Variants in PAFAH1B1 observed in about 807,000 individuals in gnomAD.
PAFAH1B1 encodes platelet activating factor acetylhydrolase 1b regulatory subunit 1.
In PAFAH1B1, 2 loss-of-function variants were observed where a neutral mutation model predicts 57.5. That is an observed-to-expected ratio of 0.03 (90% CI 0.01 to 0.11). The LOEUF (loss-of-function observed/expected upper bound fraction) is 0.11, where lower values mean the gene tolerates loss of function less well. Among genes scored for constraint, PAFAH1B1 ranks in the 10% least tolerant of loss-of-function variants. The pLI is 1.00. For synonymous variants in PAFAH1B1, 152 were observed against 169.6 expected (o/e 0.90, Z 0.81); for missense variants, 257 against 512.0 (o/e 0.50, Z 4.81).
chr17:2,647,176 C>T (rs1567544727), intron 2 of PAFAH1B1, among the ~76,000 whole-genome samples: 1 of 152,142 alleles, frequency 6.6e-6, no homozygotes, highest in Non-Finnish European at 1.5e-5. Context: ...ATGGAGAAAG[C>T]CCTTCTCTAC....
intron 2 of PAFAH1B1, among the ~76,000 whole-genome samples, chr17:2,664,499 G>A (rs1425287775): frequency 6.7e-6 from 1 of 150,268 alleles, no homozygotes; most frequent in Non-Finnish European, 1.5e-5. Context: ...TCCGCCTCCC[G>A]GGTTCAAGCA....
At chr17:2,617,081 A>G (rs998958627) in intron 1 of PAFAH1B1, among the ~76,000 whole-genome samples, 2 of 152,202 alleles carry the variant, frequency 1.3e-5, no homozygotes, top group African/African-American at 4.8e-5. Flanking sequence ...TCAAAAAAAA[A>G]TGATTGCTCT....
chr17:2,601,239 A>AT (rs943990580), intron 1 of PAFAH1B1, among the ~76,000 whole-genome samples: 2 of 151,290 alleles, frequency 1.3e-5, no homozygotes, highest in Non-Finnish European at 2.9e-5. Context: ...GGTTCAAGTG[A>AT]TTTTCCTGCC....
At chr17:2,611,511 G>GGGTCCA in intron 1 of PAFAH1B1, among the ~76,000 whole-genome samples, 1 of 151,986 alleles carries the variant, frequency 6.6e-6, no homozygotes, top group South Asian at 2.1e-4. Context: ...TACAGAAAAG[G>GGGTCCA]GGTCCAGGAC....
intron 2 of PAFAH1B1, among the ~76,000 whole-genome samples, chr17:2,665,133 TA>T (rs1011960547): frequency 4.0e-5 from 6 of 151,878 alleles, no homozygotes; most frequent in East Asian, 1.9e-4. Context: ...CTTCTGATGT[TA>T]AAAAAAAGAA....
At chr17:2,595,509 A>G (rs554447373) in intron 1 of PAFAH1B1, among the ~76,000 whole-genome samples, 2 of 149,784 alleles carry the variant, frequency 1.3e-5, no homozygotes, top group Admixed American at 1.3e-4. Flanking sequence ...TGACTGTGTC[A>G]TAGTGATGTT....
intron 9 of PAFAH1B1, among the ~76,000 whole-genome samples, chr17:2,679,450 ATGGATGATTGGATGGATGGATGGATGAT>A (rs2069332227): frequency 1.5e-5 from 2 of 131,708 alleles, no homozygotes; most frequent in African/African-American, 5.6e-5. Flanking sequence ...GGATGGATAG[ATGGATGATTGGATGGATGGATGGATGAT>A]TGGATGGATG....
chr17:2,680,686 CT>C (rs2069369841), intron 10 of PAFAH1B1, among the ~76,000 whole-genome samples: 1 of 152,098 alleles, frequency 6.6e-6, no homozygotes, highest in Non-Finnish European at 1.5e-5. Context: ...CTATCAGATA[CT>C]AGAAACTCAG....
intron 2 of PAFAH1B1, chr17:2,640,603 C>T (rs1225996031): frequency 6.6e-6 from 1 of 151,644 alleles, no homozygotes; most frequent in Non-Finnish European, 1.5e-5. Flanking sequence ...AGGCGCACAC[C>T]ACCACACCCG....
At chr17:2,659,205 T>C (rs1336346225) in intron 2 of PAFAH1B1, among the ~76,000 whole-genome samples, 3 of 148,220 alleles carry the variant, frequency 2.0e-5, no homozygotes, top group Non-Finnish European at 4.4e-5. Flanking sequence ...GAGCCGAGAT[T>C]GCCACACTGC....
intron 1 of PAFAH1B1, among the ~76,000 whole-genome samples, chr17:2,626,534 G>A (rs932290391): frequency 7.3e-5 from 9 of 123,876 alleles, no homozygotes; most frequent in Non-Finnish European, 1.4e-4. Flanking sequence ...TGACAAACTT[G>A]AACCGGCATC....
At chr17:2,652,329 G>C (rs1370479253) in intron 2 of PAFAH1B1, among the ~76,000 whole-genome samples, 1 of 152,148 alleles carries the variant, frequency 6.6e-6, no homozygotes, top group African/African-American at 2.4e-5. Flanking sequence ...GCAGGAGAAT[G>C]GCGTGAACCC....
At chr17:2,595,310 G>A (rs1035614977) in intron 1 of PAFAH1B1, among the ~76,000 whole-genome samples, 2 of 152,002 alleles carry the variant, frequency 1.3e-5, no homozygotes, top group Non-Finnish European at 2.9e-5. Flanking sequence ...TGTTGGGGGG[G>A]TGGGTTATTT....
intron 3 of PAFAH1B1, 63 bp downstream of exon 3, chr17:2,665,519 T>C (rs979871586): frequency 1.1e-6 from 1 of 940,512 alleles, no homozygotes. Flanking sequence ...CAAGTATCTG[T>C]AGTTAACAGT....
intron 1 of PAFAH1B1, among the ~76,000 whole-genome samples, chr17:2,611,274 C>T (rs2068263443): frequency 6.6e-6 from 1 of 151,946 alleles, no homozygotes; most frequent in Admixed American, 6.6e-5. Flanking sequence ...TCGAGACCAG[C>T]CTGACCAATA....
chr17:2,651,708 G>C (rs188719418), intron 2 of PAFAH1B1, among the ~76,000 whole-genome samples: 1 of 152,098 alleles, frequency 6.6e-6, no homozygotes, highest in East Asian at 1.9e-4. Context: ...GTTTTCCGTA[G>C]TAATTTTGAT....
intron 5 of PAFAH1B1, 83 bp from the exon 6 acceptor site, chr17:2,670,080 C>G: frequency 9.1e-7 from 1 of 1,103,394 alleles, no homozygotes; most frequent in Non-Finnish European, 1.4e-6. Flanking sequence ...CAGTAAGGTG[C>G]CAGACTGGCC....
intron 1 of PAFAH1B1, among the ~76,000 whole-genome samples, chr17:2,609,966 G>A (rs544826023): frequency 3.3e-5 from 5 of 152,200 alleles, no homozygotes; most frequent in South Asian, 2.1e-4. Flanking sequence ...CTGGGATTAC[G>A]GGCGTGTGCT....
intron 9 of PAFAH1B1, chr17:2,679,711 G>C (rs563457702): frequency 4.7e-6 from 1 of 213,144 alleles, no homozygotes; most frequent in South Asian, 7.1e-5. Context: ...CCTTCACTTA[G>C]TTACCATTTG....
Sources: allele counts gnomAD v4.1 joint callset (sites outside exome capture counted in the v4.1 genomes callset), GRCh38; gene constraint gnomAD v4.1.1; transcripts MANE v1.5; gene names NCBI Gene and HGNC (gene_info 2026-07-23, HGNC 2026-07-21).